INA: variants seen among roughly 807,000 people sequenced by gnomAD.
INA encodes the protein alpha-internexin.
INA carries 35 observed loss-of-function variants against 40.1 expected under a neutral mutation model. The ratio of observed to expected loss-of-function variants is 0.87; its 90% confidence interval spans 0.67 to 1.16. The LOEUF is 1.16. Among genes scored for constraint, INA ranks in the 50% most tolerant of loss-of-function variants. The pLI, the probability that INA is intolerant of heterozygous loss-of-function variation, is 0.00. For synonymous variants in INA, 290 were observed against 316.9 expected, an observed-to-expected ratio of 0.92 and a Z score of 0.90; for missense variants, 594 against 686.7, an observed-to-expected ratio of 0.87 and a Z score of 1.51.
In INA at chr10:103,277,901, G is replaced by A; in HGVS notation, c.690G>A (p.Val230=). The A allele has an allele frequency of 2.6e-6, 4 of 1,550,662 alleles. No individual in the cohort carries two copies. The highest frequency in any genetic ancestry group is 3.5e-6 in the Non-Finnish European group (4 of 1,147,000). The change falls in exon 1 of 3, where the codon GTG becomes GTA. Residue 230 remains valine, a synonymous_variant. Transcript: ENST00000369849. This position sits in a 1 kb window ranked among gnomAD's most constrained non-coding sequence, Gnocchi z 5.6. The part of the protein sequence containing the change: ...LLDELAFVRQ[V]HDEEVAELLA... ...ACGAGCTGGCCTTCGTACGCCAGGT[G>A]CACGACGAGGAGGTAGCCGAGCTGC...
intron 1 of INA, among the ~76,000 whole-genome samples, chr10:103,284,803 G>A (rs1351839619): frequency 6.6e-6 from 1 of 151,904 alleles, no homozygotes; most frequent in African/African-American, 2.4e-5. Context: ...TAAGAGCTGA[G>A]AGCAGGGTGG....
chr10:103,280,140 T>C, intron 1 of INA: 3 of 985,400 alleles, frequency 3.0e-6, no homozygotes, highest in Non-Finnish European at 3.6e-6. Flanking sequence ...TAGACAATGG[T>C]AGCGTCATCC....
Position 103,287,104 on chromosome 10 carries a change from T to C in INA, c.1135T>C (p.Tyr379His). The C allele has an allele frequency of 6.2e-7, 1 of 1,613,930 alleles. No homozygotes were observed. The highest frequency in any genetic ancestry group is 8.5e-7 in the Non-Finnish European group (1 of 1,179,918). Residue 379 changes from tyrosine (Y) to histidine (H), a missense_variant, in exon 2 of 3, where the codon TAC becomes CAC. Tyr to His is a moderately conservative substitution (Grantham distance 83). Around this residue, in one of 2 missense-constraint regions of INA, gnomAD observed 379 missense variants for 496.1 expected, o/e 0.76. Coordinates refer to ENST00000369849, the MANE Select transcript of INA (RefSeq NM_032727.4). Reference protein sequence around the residue: ...KSEMARHLREYQDLLNVKMAL... With the variant: ...KSEMARHLREHQDLLNVKMAL... The stretch of plus-strand genomic sequence containing the variant: ...TGAGATGGCACGCCACCTTCGGGAA[T>C]ACCAGGACTTGCTCAATGTCAAAAT...
chr10:103,278,022 C>A lies in INA; in HGVS notation c.811C>A (p.Gln271Lys). ...CTCGGCTCTGAGGGAGATCCGCGCC[C>A]AGTATGAGTCCCTGGCCGCTAAGAA... Reference protein sequence around the residue: ...LTSALREIRAQYESLAAKNLQ... With the variant: ...LTSALREIRAKYESLAAKNLQ... Residue 271 changes from glutamine (Q) to lysine (K), a missense_variant, in exon 1 of 3, where the codon CAG (glutamine) becomes AAG (lysine). Physicochemically the swap from Gln to Lys is moderately conservative, Grantham distance 53. Transcript: ENST00000369849. The surrounding 1 kb of genome is among the most constrained non-coding windows in gnomAD (Gnocchi z 4.9). The A allele has an allele frequency of 6.2e-7, 1 of 1,610,552 alleles. No homozygotes were observed. The highest frequency in any genetic ancestry group is 2.2e-5 in the East Asian group (1 of 44,696).
chr10:103,279,532 G>A (rs1002832029), intron 1 of INA, among the ~76,000 whole-genome samples: 3 of 152,110 alleles, frequency 2.0e-5, no homozygotes, highest in Non-Finnish European at 4.4e-5. Context: ...AGTGTGGTTC[G>A]GTTTCAAGGT....
chr10:103,282,052 T>C (rs1339446597), intron 1 of INA, among the ~76,000 whole-genome samples: 1 of 152,222 alleles, frequency 6.6e-6, no homozygotes, highest in Non-Finnish European at 1.5e-5. Flanking sequence ...AGACACAGCC[T>C]GATGTGGGGA....
At position 103,277,232 on chromosome 10, in the gene INA, C is replaced by T. The variant is rs1188185627; in HGVS notation, c.21C>T (p.His7=). MSFGSE[H]YLCSSSSYRK... is the part of the protein sequence containing the mutation. ...GCACCATGAGCTTCGGCTCGGAGCA[C>T]TACCTGTGCTCCTCCTCCTCCTACC... is the stretch of plus-strand genomic sequence containing the variant. Residue 7 remains histidine (H), a synonymous_variant, in exon 1 of 3, where the codon CAC becomes CAT. Coordinates refer to ENST00000369849, the MANE Select transcript of INA (RefSeq NM_032727.4). This position sits in a 1 kb window ranked among gnomAD's most constrained non-coding sequence, Gnocchi z 5.6. 2.5e-6 allele frequency: 4 copies of T among 1,589,162 alleles called. No homozygotes were observed. Among genetic ancestry groups the T allele is most frequent in the Admixed American group, 3.4e-5 (2 of 58,378 alleles).
In INA at chr10:103,277,461, A is replaced by G; in HGVS notation, c.250A>G (p.Thr84Ala). The change falls in exon 1 of 3, where the codon ACC becomes GCC. Residue 84 changes from threonine to alanine, a missense_variant. Physicochemically the swap from Thr to Ala is moderately conservative, Grantham distance 58 (BLOSUM62 0). This residue lies in a region of INA where 215 missense variants were observed against 190.6 expected (regional missense o/e 1.13). Transcript: ENST00000369849. The surrounding 1 kb of genome is among the most constrained non-coding windows in gnomAD (Gnocchi z 5.6). Reference protein sequence around the residue: ...GLDLSQAAARTNEYKIIRTNE... With the variant: ...GLDLSQAAARANEYKIIRTNE... ...GGACCTGAGCCAGGCGGCGGCGCGCACCAACGAGTACAAGATCATCCGCAC... is the reference window on the plus strand; with the variant it reads ...GGACCTGAGCCAGGCGGCGGCGCGCGCCAACGAGTACAAGATCATCCGCAC... The G allele has an allele frequency of 4.4e-6, 7 of 1,574,960 alleles. No homozygotes were observed. Among genetic ancestry groups the G allele is most frequent in the Non-Finnish European group, 6.0e-6 (7 of 1,164,256 alleles).
At chr10:103,283,831 A>G (rs142566607) in intron 1 of INA, among the ~76,000 whole-genome samples, 2,620 of 147,006 alleles carry the variant, frequency 0.018, 54 homozygotes, top group South Asian at 0.074. Flanking sequence ...GCTCACTGCA[A>G]CCTCTGCCTC....
chr10:103,288,256 A>G (rs1307710609), intron 2 of INA, 104 bp from the exon 3 acceptor site: 4 of 1,086,326 alleles, frequency 3.7e-6, no homozygotes, highest in African/African-American at 3.2e-5. Flanking sequence ...AAGAAACTCC[A>G]AAGTCCTTTG....
At chr10:103,280,769 T>C (rs1159809334) in intron 1 of INA, 1 of 985,346 alleles carries the variant, frequency 1.0e-6, no homozygotes, top group Non-Finnish European at 1.2e-6. Flanking sequence ...GAGCTAAGGC[T>C]ATTGTCTTCA....
intron 1 of INA, among the ~76,000 whole-genome samples, chr10:103,285,807 G>A (rs189497181): frequency 6.6e-6 from 1 of 151,672 alleles, no homozygotes; most frequent in East Asian, 1.9e-4. Context: ...TAGTAGAGAC[G>A]GAGTTTTGCC....
At position 103,288,418 on chromosome 10, in the gene INA, C is replaced by T; in HGVS notation, c.1249C>T (p.Leu417=). Residue 417 remains leucine (L), a synonymous_variant, in exon 3 of 3, where the codon CTG becomes TTG. Coordinates refer to ENST00000369849, the MANE Select transcript of INA (RefSeq NM_032727.4). ...CACCAGTGGGTTAAGCATTTCGGGG[C>T]TGAATCCACTTCCCAATCCAAGTTA... ...FSTSGLSISG[L]NPLPNPSYLL... is the part of the protein sequence containing the mutation. 6.2e-7 allele frequency: 1 copy of T among 1,613,310 alleles called. No individual in the cohort carries two copies. The highest frequency in any genetic ancestry group is 1.7e-4 in the Middle Eastern group (1 of 6,054).
intron 2 of INA, 40 bp downstream of exon 2, chr10:103,287,199 C>T (rs1016234239): frequency 6.3e-7 from 1 of 1,596,322 alleles, no homozygotes; most frequent in Non-Finnish European, 8.5e-7. Flanking sequence ...AATCCAGTCA[C>T]CTAGGGGCAA....
In INA at chr10:103,288,940, G is replaced by A; in HGVS notation, c.*271G>A. 1 of 242,492 alleles carries A rather than the reference G, an allele frequency of 4.1e-6. No homozygotes were observed. Among genetic ancestry groups the A allele is most frequent in the East Asian group, 8.2e-5 (1 of 12,190 alleles). The allele number at this position is 242,492 out of a possible 1,614,324, so 15.0% of individuals were successfully genotyped here. On this transcript the variant is annotated 3_prime_UTR_variant, in exon 3 of 3. Coordinates refer to ENST00000369849, the MANE Select transcript of INA (RefSeq NM_032727.4). ...ACGCTTCACAGTGATCGATGATTCA[G>A]GTGCAGAGGAAGTACAAACTAAGGT...
Position 103,277,190 on chromosome 10 carries a change from G to A in INA, c.-22G>A. 6.4e-7 allele frequency: 1 copy of A among 1,561,990 alleles called. No individual in the cohort carries two copies. Among genetic ancestry groups the A allele is most frequent in the Non-Finnish European group, 8.6e-7 (1 of 1,159,644 alleles). On this transcript the variant is annotated 5_prime_UTR_variant, in exon 1 of 3. Coordinates refer to ENST00000369849, the MANE Select transcript of INA (RefSeq NM_032727.4). This position sits in a 1 kb window ranked among gnomAD's most constrained non-coding sequence, Gnocchi z 5.6. ...TCTGTAGCTCGCGTTGAAGCCGCAC[G>A]TCCGGCCCCGATCCCGGCACCATGA...
chr10:103,277,409 T>TCGCCGGC lies in INA; in HGVS notation c.206_212dup (p.Ser72AlafsTer66), dbSNP rs777201376. 1 of 1,557,930 alleles carries TCGCCGGC rather than the reference T, an allele frequency of 6.4e-7. No individual in the cohort carries two copies. The highest frequency in any genetic ancestry group is 1.2e-5 in the South Asian group (1 of 86,330). ...CGTCGCTCGGCCTCGGCCTGGCCTA[T>TCGCCGGC]CGCCGGCCGCCGGCGTCCGACGGGC... On this transcript the variant is annotated frameshift_variant, in exon 1 of 3. Coordinates refer to ENST00000369849, the MANE Select transcript of INA (RefSeq NM_032727.4). LOFTEE classifies it high-confidence loss of function. This position sits in a 1 kb window ranked among gnomAD's most constrained non-coding sequence, Gnocchi z 5.6.
intron 1 of INA, among the ~76,000 whole-genome samples, chr10:103,283,749 T>TC (rs2093078269): frequency 4.5e-5 from 2 of 44,862 alleles, no homozygotes. Flanking sequence ...TCACTGTTTC[T>TC]TTTTTTTTTT....
Position 103,277,800 on chromosome 10 carries a change from A to C in INA, c.589A>C (p.Lys197Gln). 6.6e-7 allele frequency: 1 copy of C among 1,526,464 alleles called. No homozygotes were observed. Among genetic ancestry groups the C allele is most frequent in the Non-Finnish European group, 8.8e-7 (1 of 1,141,810 alleles). 94.6% of individuals were successfully genotyped at this position (1,526,464 alleles called of 1,614,324 possible). Residue 197 changes from lysine to glutamine, a missense_variant, in exon 1 of 3, where the codon AAG (lysine) becomes CAG (glutamine). This residue lies in a region of INA where 379 missense variants were observed against 496.1 expected (regional missense o/e 0.76). Coordinates refer to ENST00000369849, the MANE Select transcript of INA (RefSeq NM_032727.4). The surrounding 1 kb of genome is among the most constrained non-coding windows in gnomAD (Gnocchi z 5.6). The stretch of plus-strand genomic sequence containing the variant: ...ACGCGAAGGCGCCGAGCGCGCCCTG[A>C]AGGCGCAGCAGCGCGACGTGGACGG... ...RGREGAERALKAQQRDVDGAT... is the reference protein window; with the variant it reads ...RGREGAERALQAQQRDVDGAT...
Sources: allele counts gnomAD v4.1 joint callset (sites outside exome capture counted in the v4.1 genomes callset), GRCh38; gene constraint gnomAD v4.1.1; regional missense constraint gnomAD v4.1.1; non-coding constraint Gnocchi (gnomAD v3.1); transcripts MANE v1.5; gene names NCBI Gene and HGNC (gene_info 2026-07-23, HGNC 2026-07-21).